Variants in ZMYM2 observed in about 807,000 individuals in gnomAD.
ZMYM2 encodes the protein zinc finger MYM-type protein 2.
A neutral mutation model predicts 162.8 loss-of-function variants in ZMYM2; 56 were observed. That is an observed-to-expected ratio of 0.34 (90% CI 0.28 to 0.43). The LOEUF is 0.43. Ranked by LOEUF, ZMYM2 falls within the 20% of genes least tolerant of loss-of-function variation. The pLI is 1.00. For synonymous variants in ZMYM2, 510 were observed against 541.6 expected, an observed-to-expected ratio of 0.94 and a Z score of 0.81; for missense variants, 1,275 against 1,621.8, an observed-to-expected ratio of 0.79 and a Z score of 3.67.
At chr13:19,892,364 T>C in the ZMYM2 span, among the ~76,000 whole-genome samples, 2 of 151,818 alleles carry the variant, frequency 1.3e-5, no homozygotes, top group African/African-American at 4.9e-5. Flanking sequence ...CTCCGCCTCC[T>C]GGGTTCACGC....
At chr13:19,892,863 C>T in the ZMYM2 span, among the ~76,000 whole-genome samples, 5 of 149,942 alleles carry the variant, frequency 3.3e-5, no homozygotes, top group African/African-American at 7.4e-5. Context: ...TACAGGCACG[C>T]GCCACCGCGC....
At chr13:20,047,106 A>G (rs553560239) in intron 12 of ZMYM2, among the ~76,000 whole-genome samples, 5 of 152,362 alleles carry the variant, frequency 3.3e-5, no homozygotes, top group Non-Finnish European at 5.9e-5. Flanking sequence ...TTATAAAGCA[A>G]GTAGCAATGC....
At chr13:19,981,857 C>T (rs866345018) in intron 2 of ZMYM2, among the ~76,000 whole-genome samples, 2 of 67,056 alleles carry the variant, frequency 3.0e-5, no homozygotes, top group Non-Finnish European at 6.6e-5. Flanking sequence ...GTTCGTGGTG[C>T]ATGTCTAAAA....
chr13:19,944,883 C>CTGGT, the ZMYM2 span, among the ~76,000 whole-genome samples: 32 of 152,122 alleles, frequency 2.1e-4, no homozygotes, highest in African/African-American at 7.2e-4. Flanking sequence ...ATTGGCCAGG[C>CTGGT]TGGTCTCAAA....
chr13:20,046,605 GTGTA>G (rs1269949423), intron 12 of ZMYM2, among the ~76,000 whole-genome samples: 21 of 102,756 alleles, frequency 2.0e-4, no homozygotes, highest in African/African-American at 8.9e-4. Flanking sequence ...GTGTGTGTGT[GTGTA>G]TATATATGTG....
chr13:19,930,787 C>T, the ZMYM2 span, among the ~76,000 whole-genome samples: 1 of 151,504 alleles, frequency 6.6e-6, no homozygotes, highest in Non-Finnish European at 1.5e-5. Context: ...GATCTGCCTG[C>T]CTCGGTTTTC....
intron 21 of ZMYM2, among the ~76,000 whole-genome samples, chr13:20,072,535 T>C (rs938110086): frequency 1.3e-5 from 2 of 152,036 alleles, no homozygotes; most frequent in African/African-American, 4.8e-5. Context: ...AATAAATAAA[T>C]AAATAATAAT....
the ZMYM2 span, among the ~76,000 whole-genome samples, chr13:19,913,647 C>T: frequency 5.3e-5 from 8 of 152,190 alleles, no homozygotes; most frequent in Admixed American, 2.0e-4. Context: ...ATCACTTGAA[C>T]CTGGGAGGCG....
chr13:19,874,520 A>G, the ZMYM2 span, among the ~76,000 whole-genome samples: 1,426 of 152,290 alleles, frequency 9.4e-3, 21 homozygotes, highest in African/African-American at 0.031. Context: ...GATGTGATCC[A>G]CATTGCCCGG....
chr13:19,948,128 G>A, the ZMYM2 span, among the ~76,000 whole-genome samples: 1,160 of 152,140 alleles, frequency 7.6e-3, 21 homozygotes, highest in African/African-American at 0.026. Flanking sequence ...GATGTGGAAC[G>A]ACAGGAACTC....
the ZMYM2 span, among the ~76,000 whole-genome samples, chr13:19,882,208 C>A: frequency 2.0e-5 from 3 of 152,036 alleles, no homozygotes; most frequent in Admixed American, 1.3e-4. Context: ...TTTTGTGCAT[C>A]CCAGGGAATT....
At chr13:19,884,324 C>G in the ZMYM2 span, among the ~76,000 whole-genome samples, 1 of 152,158 alleles carries the variant, frequency 6.6e-6, no homozygotes, top group African/African-American at 2.4e-5. Context: ...TTGTTATACC[C>G]CCGCACTTTG....
chr13:19,967,417 G>A (rs949718162), intron 2 of ZMYM2, among the ~76,000 whole-genome samples: 14 of 152,248 alleles, frequency 9.2e-5, no homozygotes, highest in African/African-American at 3.4e-4. Flanking sequence ...TTTTCTCATT[G>A]TAGCATGACA....
chr13:19,900,202 G>A, the ZMYM2 span, among the ~76,000 whole-genome samples: 1 of 152,092 alleles, frequency 6.6e-6, no homozygotes, highest in East Asian at 1.9e-4. Context: ...AGGAGGCTGA[G>A]GCATGAGAAT....
intron 15 of ZMYM2, 59 bp from the exon 16 acceptor site, chr13:20,059,388 G>A: frequency 6.4e-7 from 1 of 1,551,342 alleles, no homozygotes. Flanking sequence ...TTTTAACATT[G>A]AGCACCTGTA....
At chr13:19,901,688 G>A in the ZMYM2 span, among the ~76,000 whole-genome samples, 1 of 152,092 alleles carries the variant, frequency 6.6e-6, no homozygotes, top group African/African-American at 2.4e-5. Flanking sequence ...TCTTGGCCAG[G>A]CTGGTCTTGA....
upstream of ZMYM2, among the ~76,000 whole-genome samples, chr13:19,955,949 T>A (rs1954504183): frequency 6.6e-6 from 1 of 152,232 alleles, no homozygotes; most frequent in Admixed American, 6.5e-5. Context: ...AGGTACAGAA[T>A]AGATTAATAC....
intron 3 of ZMYM2, among the ~76,000 whole-genome samples, chr13:20,000,013 G>C (rs963641181): frequency 6.6e-6 from 1 of 152,080 alleles, no homozygotes; most frequent in Non-Finnish European, 1.5e-5. Context: ...ATGTTGCCCA[G>C]GCTGCTCTCA....
the ZMYM2 span, among the ~76,000 whole-genome samples, chr13:19,868,803 T>A: frequency 6.6e-6 from 1 of 152,176 alleles, no homozygotes; most frequent in African/African-American, 2.4e-5. Flanking sequence ...CAGGCTGGAG[T>A]GCAGTGGCAC....
Sources: allele counts gnomAD v4.1 joint callset (sites outside exome capture counted in the v4.1 genomes callset), GRCh38; gene constraint gnomAD v4.1.1; transcripts MANE v1.5; gene names NCBI Gene and HGNC (gene_info 2026-07-23, HGNC 2026-07-21).